Variants in RGPD4 observed in about 807,000 individuals in gnomAD.
The protein encoded by RGPD4 is RANBP2 like and GRIP domain containing 4, also known as ranBP2-like and GRIP domain-containing protein 4.
A neutral mutation model predicts 141.1 loss-of-function variants in RGPD4; 84 were observed. The observed-to-expected ratio is 0.60, with a 90% CI of 0.50 to 0.71. The LOEUF is 0.71. Among genes scored for constraint, RGPD4 ranks in the 30% least tolerant of loss-of-function variants. The probability of loss-of-function intolerance (pLI) is 0.00; values close to 1 mark genes in which losing one functional copy is unlikely to be tolerated. For missense variants in RGPD4, 918 were observed against 1,622.4 expected, an observed-to-expected ratio of 0.57 and a Z score of 7.46; for synonymous variants, 298 against 566.8, an observed-to-expected ratio of 0.53 and a Z score of 6.74.
chr2:107,881,420 C>T (rs985180304), intron 21 of RGPD4, among the ~76,000 whole-genome samples: 56 of 151,852 alleles, frequency 3.7e-4, no homozygotes, highest in Admixed American at 9.8e-4. Context: ...CAGGTTCAAG[C>T]GATTCCCCTG....
intron 22 of RGPD4, among the ~76,000 whole-genome samples, chr2:107,887,082 A>C (rs539074842): frequency 1.4e-5 from 2 of 147,586 alleles, no homozygotes; most frequent in Admixed American, 1.4e-4. Context: ...ATGTCTACAA[A>C]AATTTTAAAA....
intron 9 of RGPD4, among the ~76,000 whole-genome samples, chr2:107,857,229 C>G (rs1473408259): frequency 6.6e-6 from 1 of 151,156 alleles, no homozygotes; most frequent in Non-Finnish European, 1.5e-5. Flanking sequence ...CCTCTGCCTC[C>G]CGGGTTCAAG....
intron 22 of RGPD4, among the ~76,000 whole-genome samples, chr2:107,883,625 C>CAA (rs1191898384): frequency 5.2e-4 from 20 of 38,826 alleles, no homozygotes; most frequent in African/African-American, 2.8e-3. Flanking sequence ...GACTCCATCT[C>CAA]AAAAAAAAAA....
At chr2:107,829,904 C>G (rs918077007) in intron 1 of RGPD4, among the ~76,000 whole-genome samples, 2 of 151,898 alleles carry the variant, frequency 1.3e-5, no homozygotes, top group Non-Finnish European at 2.9e-5. Context: ...TTATATGCTG[C>G]GGCGGAGGTC....
chr2:107,833,586 G>A (rs992184749), intron 1 of RGPD4, among the ~76,000 whole-genome samples: 22 of 150,252 alleles, frequency 1.5e-4, no homozygotes, highest in Non-Finnish European at 2.7e-4. Flanking sequence ...AAAGTGAGCA[G>A]GTTAGAGGCA....
In RGPD4 at chr2:107,882,798, A is replaced by T. The variant is rs774737160; in HGVS notation, c.5191A>T (p.Arg1731Ter). The T allele has an allele frequency of 6.2e-7, 1 of 1,611,262 alleles. No individual in the cohort carries two copies. Residue 1731 changes from arginine (R) to a stop codon, truncating the protein, a stop_gained, in exon 22 of 23, where the codon AGA (arginine) becomes TGA (stop). Coordinates refer to ENST00000408999, the MANE Select transcript of RGPD4 (RefSeq NM_182588.3). LOFTEE classifies it high-confidence loss of function. ...CTTGAAGCCAGGTAGTGAAAGAGAG[A>T]GACTTCTTCCTGTTATAAATACGAT... The part of the protein sequence containing the change: ...IFLKPGSERE[R>*]LLPVINTMLQ...
rs995900123 is a variant in RGPD4 at position 107,890,861 on chromosome 2, T to C, written c.*130T>C. On this transcript the variant is annotated 3_prime_UTR_variant, in exon 23 of 23. Transcript: ENST00000408999. ...CAAAAATGGTTCATGTGTATTACCA[T>C]CATTCTTTTGTCAAAAAGTGTGTAT... 1.1e-5 allele frequency: 12 copies of C among 1,087,470 alleles called. No individual in the cohort carries two copies. Among genetic ancestry groups the C allele is most frequent in the Admixed American group, 2.4e-5 (1 of 42,266 alleles). 67.4% of individuals were successfully genotyped at this position (1,087,470 alleles called of 1,614,324 possible).
At chr2:107,827,937 G>A (rs1465911671) in intron 1 of RGPD4, among the ~76,000 whole-genome samples, 1 of 19,378 alleles carries the variant, frequency 5.2e-5, no homozygotes, top group African/African-American at 5.2e-4. Flanking sequence ...CGGCCTCGAT[G>A]GCTCAGGCAT....
At chr2:107,830,541 CT>C (rs199601746) in intron 1 of RGPD4, among the ~76,000 whole-genome samples, 40 of 152,056 alleles carry the variant, frequency 2.6e-4, no homozygotes, top group East Asian at 1.2e-3. Context: ...CACTTAGAGT[CT>C]TTTTTTTCCC....
At position 107,871,237 on chromosome 2, in the gene RGPD4, A is replaced by G. The variant is rs772471656; in HGVS notation, c.3233A>G (p.Lys1078Arg). ...TTTGATGCTGAGGTAAGGCAGTGGA[A>G]AGAAAGGGGCTTGGGGAACTTAAAA... ...FRFDAEVRQW[K>R]ERGLGNLKIL... The change falls in exon 20 of 23, where the codon AAA becomes AGA. Residue 1078 changes from lysine (K) to arginine (R), a missense_variant. By Grantham distance (26) the Lys-to-Arg change is conservative. Coordinates refer to ENST00000408999, the MANE Select transcript of RGPD4 (RefSeq NM_182588.3). 11 of 1,609,284 alleles carry G rather than the reference A, an allele frequency of 6.8e-6. No homozygotes were observed. The highest frequency in any genetic ancestry group is 8.5e-6 in the Non-Finnish European group (10 of 1,179,632).
intron 22 of RGPD4, among the ~76,000 whole-genome samples, chr2:107,885,282 C>T (rs986460499): frequency 6.6e-6 from 1 of 152,070 alleles, no homozygotes; most frequent in Non-Finnish European, 1.5e-5. Flanking sequence ...AAAATTATAA[C>T]TAATTTTATA....
rs1318092582 is a variant in RGPD4 at position 107,869,906 on chromosome 2, T to C, written c.2629T>C (p.Tyr877His). The change falls in exon 19 of 23, where the codon TAT becomes CAT. Residue 877 changes from tyrosine (Y) to histidine (H), a missense_variant. Coordinates refer to ENST00000408999, the MANE Select transcript of RGPD4 (RefSeq NM_182588.3). ...AGTTGCAACTACTGGCCCTTCAGTA[T>C]ATTATAGTCAGTCACCAGCATATAA... ...LTVATTGPSVYYSQSPAYNSQ... is the reference protein window; with the variant it reads ...LTVATTGPSVHYSQSPAYNSQ... 1 of 1,475,110 alleles carries C rather than the reference T, an allele frequency of 6.8e-7. No homozygotes were observed. The highest frequency in any genetic ancestry group is 9.1e-7 in the Non-Finnish European group (1 of 1,104,110). 91.4% of individuals were successfully genotyped at this position (1,475,110 alleles called of 1,614,324 possible). A position where few individuals can be genotyped will look rare whatever the true frequency, so the allele number is the denominator to read the frequency against.
At chr2:107,879,937 G>T (rs2104513925) in intron 20 of RGPD4, 31 bp from the exon 21 acceptor site, 1 of 1,609,750 alleles carries the variant, frequency 6.2e-7, no homozygotes, top group Non-Finnish European at 8.5e-7. Flanking sequence ...GTATGATTTT[G>T]AAAATTAATT....
At chr2:107,857,753 A>T (rs1228285178) in intron 9 of RGPD4, among the ~76,000 whole-genome samples, 5 of 151,528 alleles carry the variant, frequency 3.3e-5, no homozygotes, top group Admixed American at 6.6e-5. Flanking sequence ...GCACTTTGGG[A>T]GGCCGAGGCG....
intron 21 of RGPD4, among the ~76,000 whole-genome samples, chr2:107,882,356 C>G (rs1035201737): frequency 6.6e-6 from 1 of 151,902 alleles, no homozygotes; most frequent in Non-Finnish European, 1.5e-5. Flanking sequence ...ACCCAAATAG[C>G]TTAGGACAGT....
intron 18 of RGPD4, 87 bp downstream of exon 18, chr2:107,866,412 T>C (rs2104477697): frequency 9.7e-7 from 1 of 1,036,058 alleles, no homozygotes; most frequent in African/African-American, 1.8e-5. Context: ...ATCACCTTGT[T>C]TATATATGTT....
At chr2:107,830,918 G>A (rs1681461316) in intron 1 of RGPD4, among the ~76,000 whole-genome samples, 1 of 152,092 alleles carries the variant, frequency 6.6e-6, no homozygotes, top group Admixed American at 6.6e-5. Context: ...CCTCACATGT[G>A]CTTTTGCCCT....
chr2:107,828,294 T>C (rs1681310182), intron 1 of RGPD4, among the ~76,000 whole-genome samples: 3 of 38,074 alleles, frequency 7.9e-5, no homozygotes, highest in Admixed American at 5.8e-4. Context: ...CGCTGCTCCC[T>C]GGCGCGCTCT....
In RGPD4 at chr2:107,883,638, A is replaced by C. The variant is rs1324464303; in HGVS notation, c.5266+765A>C. On this transcript the variant is annotated intron_variant, in intron 22 of 22. Transcript: ENST00000408999. ...GAGACTCCATCTCAAAAAAAAAAAAAACAAAAACAAAAAACTATGATGTAG... is the reference window on the plus strand; with the variant it reads ...GAGACTCCATCTCAAAAAAAAAAAACACAAAAACAAAAAACTATGATGTAG... 3.8e-4 allele frequency among the ~76,000 whole-genome samples: 13 copies of C among 34,386 alleles called. 2 individuals are homozygous for C. Among genetic ancestry groups the C allele is most frequent in the African/African-American group, 3.2e-3 (11 of 3,464 alleles). The allele number at this position is 34,386 out of a possible 152,430, so 22.6% of individuals were successfully genotyped here.
Sources: gnomAD v4.1 joint callset for allele counts (sites outside exome capture counted in the v4.1 genomes callset) on GRCh38, gnomAD v4.1.1 for gene constraint, MANE v1.5 for transcripts, NCBI Gene and HGNC (gene_info 2026-07-23, HGNC 2026-07-21) for gene names.